ZNF701: variants seen among roughly 807,000 people sequenced by gnomAD.
ZNF701 encodes the protein zinc finger protein 701.
ZNF701 carries 6 observed loss-of-function variants against 7.1 expected under a neutral mutation model. That is an observed-to-expected ratio of 0.84 (90% CI 0.46 to 1.66). The LOEUF is 1.66. Among genes scored for constraint, ZNF701 ranks in the 40% most tolerant of loss-of-function variants. The pLI is 0.01. For synonymous variants in ZNF701, 166 were observed against 188.2 expected (o/e 0.88, Z 0.97); for missense variants, 541 against 559.2 (o/e 0.97, Z 0.33).
chr19:52,592,848 A>G, the ZNF701 span, among the ~76,000 whole-genome samples: 1 of 53,394 alleles, frequency 1.9e-5, no homozygotes, highest in Non-Finnish European at 4.1e-5. Context: ...GCAGGGTCAC[A>G]GGACAATAGT....
At chr19:52,593,966 C>G in the ZNF701 span, 1 of 129,226 alleles carries the variant, frequency 7.7e-6, no homozygotes, top group Non-Finnish European at 1.6e-5. Context: ...CCAAGGCAGG[C>G]GGCTGGGAGG....
At chr19:52,578,385 A>G (rs149748236) in intron 3 of ZNF701, among the ~76,000 whole-genome samples, 3,821 of 151,778 alleles carry the variant, frequency 0.025, 153 homozygotes, top group African/African-American at 0.081. Context: ...GCTTCACCTT[A>G]TCAATCACTT....
intron 1 of ZNF701, among the ~76,000 whole-genome samples, chr19:52,571,836 T>G (rs1197711141): frequency 6.6e-6 from 1 of 152,078 alleles, no homozygotes; most frequent in South Asian, 2.1e-4. Flanking sequence ...TTTGGTTTTT[T>G]TTTTGAGACG....
rs2059989025 is a variant in ZNF701, at chr19:52,583,266, A to G, written c.1207A>G (p.Ile403Val). The G allele has an allele frequency of 6.2e-7, 1 of 1,609,994 alleles. No homozygotes were observed. Among genetic ancestry groups the G allele is most frequent in the Non-Finnish European group, 8.5e-7 (1 of 1,176,924 alleles). The change falls in exon 4 of 4, where the codon ATT becomes GTT. Residue 403 changes from isoleucine to valine, a missense_variant. By Grantham distance (29) the Ile-to-Val change is conservative (BLOSUM62 3). Coordinates refer to ENST00000391785, the MANE Select transcript of ZNF701 (RefSeq NM_018260.3). Reference protein sequence around the residue: ...QNSSLVMHKVIHTGEKRYKCN... With the variant: ...QNSSLVMHKVVHTGEKRYKCN... Reference sequence around the variant, plus strand: ...TTCATCTCTTGTAATGCATAAGGTCATTCATACTGGAGAGAAACGTTACAA... The same window carrying G: ...TTCATCTCTTGTAATGCATAAGGTCGTTCATACTGGAGAGAAACGTTACAA...
At chr19:52,572,890 C>G (rs932541851) in intron 1 of ZNF701, among the ~76,000 whole-genome samples, 4 of 152,166 alleles carry the variant, frequency 2.6e-5, no homozygotes, top group Non-Finnish European at 5.9e-5. Context: ...CGTCTCAGGT[C>G]ATTTTCACTG....
At chr19:52,581,295 C>A (rs952593434) in intron 3 of ZNF701, among the ~76,000 whole-genome samples, 1 of 152,088 alleles carries the variant, frequency 6.6e-6, no homozygotes, top group Non-Finnish European at 1.5e-5. Context: ...TCTCAGCTCA[C>A]CACAATCTTG....
chr19:52,582,810 G>T lies in ZNF701; in HGVS notation c.751G>T (p.Asp251Tyr), dbSNP rs149503844. Residue 251 changes from aspartate to tyrosine, a missense_variant, in exon 4 of 4, where the codon GAC becomes TAC. By Grantham distance (160) the Asp-to-Tyr change is radical. Transcript: ENST00000391785. Reference sequence around the variant, plus strand: ...GTATAAATGTGATGTATGCGGCAAGGACTTTCATCAGAAGCGATACCTTGC... The same window carrying T: ...GTATAAATGTGATGTATGCGGCAAGTACTTTCATCAGAAGCGATACCTTGC... ...KQYKCDVCGK[D>Y]FHQKRYLACH... 408 of 1,614,000 alleles carry T rather than the reference G, an allele frequency of 2.5e-4. 2 individuals are homozygous for T. Among genetic ancestry groups the T allele is most frequent in the Non-Finnish European group, 4.5e-5 (53 of 1,180,028 alleles).
intron 1 of ZNF701, 56 bp from the exon 2 acceptor site, chr19:52,574,021 T>TA: frequency 1.9e-6 from 3 of 1,558,924 alleles, no homozygotes; most frequent in South Asian, 2.2e-5. Context: ...GTCATTGTGT[T>TA]ACAGGCAGGA....
chr19:52,591,804 C>T (rs2060038057), downstream of ZNF701, among the ~76,000 whole-genome samples: 1 of 152,172 alleles, frequency 6.6e-6, no homozygotes, highest in Non-Finnish European at 1.5e-5. Context: ...GATCCACCTG[C>T]CTTGGCCTCC....
Position 52,583,257 on chromosome 19 carries a change from C to A in ZNF701, c.1198C>A (p.His400Asn), listed in dbSNP as rs773945287. ...TGTTCAAAATTCATCTCTTGTAATG[C>A]ATAAGGTCATTCATACTGGAGAGAA... ...TFVQNSSLVM[H>N]KVIHTGEKRY... is the part of the protein sequence containing the mutation. The change falls in exon 4 of 4, where the codon CAT becomes AAT. Residue 400 changes from histidine to asparagine, a missense_variant. By Grantham distance (68) the His-to-Asn change is moderately conservative. Transcript: ENST00000391785. The A allele has an allele frequency of 6.2e-7, 1 of 1,610,014 alleles. No homozygotes were observed. Among genetic ancestry groups the A allele is most frequent in the East Asian group, 2.2e-5 (1 of 44,846 alleles).
chr19:52,578,796 C>G (rs898472851), intron 3 of ZNF701, among the ~76,000 whole-genome samples: 3 of 152,182 alleles, frequency 2.0e-5, no homozygotes, highest in Non-Finnish European at 2.9e-5. Context: ...CTTGCTCTGT[C>G]GCCCAGGCTG....
chr19:52,593,236 C>A, the ZNF701 span, among the ~76,000 whole-genome samples: 1 of 118,782 alleles, frequency 8.4e-6, no homozygotes, highest in African/African-American at 3.2e-5. Context: ...ACCTTTCCCC[C>A]CTTTCTATTC....
downstream of ZNF701, chr19:52,588,577 G>T: frequency 2.5e-6 from 1 of 401,330 alleles, no homozygotes; most frequent in Non-Finnish European, 4.8e-6. Flanking sequence ...CCACCAAGAA[G>T]GGCAAAGAAA....
At chr19:52,596,711 T>A in the ZNF701 span, 8 of 494,514 alleles carry the variant, frequency 1.6e-5, no homozygotes, top group African/African-American at 5.9e-5. Context: ...ATTTCACGAG[T>A]ATGGAAAGAC....
intron 1 of ZNF701, chr19:52,570,927 G>C (rs911176437): frequency 2.0e-5 from 3 of 152,382 alleles, no homozygotes; most frequent in African/African-American, 7.2e-5. Flanking sequence ...TGAAAAATGA[G>C]CCTCTCTGGG....
intron 3 of ZNF701, among the ~76,000 whole-genome samples, chr19:52,579,824 A>C (rs1412430387): frequency 5.0e-5 from 7 of 140,064 alleles, no homozygotes; most frequent in Non-Finnish European, 1.0e-4. Context: ...CAGTGAGCTG[A>C]GATCGCACCG....
rs539137520 is a variant in ZNF701, at chr19:52,581,650, C to A, written c.143-552C>A. 2.0e-5 allele frequency among the ~76,000 whole-genome samples: 3 copies of A among 151,926 alleles called. No homozygotes were observed. The East Asian group carries it at 5.8e-4, about 30-fold the overall frequency. On this transcript the variant is annotated intron_variant, in intron 3 of 3. Transcript: ENST00000391785. ...GCATCAGCCGCTTGAGTAGCTGGGA[C>A]TTTATAAAGGCGTGGGCCACCACAC...
intron 1 of ZNF701, among the ~76,000 whole-genome samples, chr19:52,571,721 C>T (rs990832416): frequency 6.7e-6 from 1 of 148,898 alleles, no homozygotes; most frequent in Admixed American, 6.8e-5. Flanking sequence ...GACCCTCTTT[C>T]CCTGCTTTTT....
chr19:52,583,069 G>A lies in ZNF701; in HGVS notation c.1010G>A (p.Arg337His), dbSNP rs186877176. Residue 337 changes from arginine to histidine, a missense_variant, in exon 4 of 4, where the codon CGC (arginine) becomes CAC (histidine). By Grantham distance (29) the Arg-to-His change is conservative. Coordinates refer to ENST00000391785, the MANE Select transcript of ZNF701 (RefSeq NM_018260.3). ...GAAGAATGTGACAAAGTTTTCAGTC[G>A]CAAATCACACCTTGAAAGACATAGG... ...KCEECDKVFSRKSHLERHRRI... is the reference protein window; with the variant it reads ...KCEECDKVFSHKSHLERHRRI... 241 of 1,613,342 alleles carry A rather than the reference G, an allele frequency of 1.5e-4. No homozygotes were observed. In the Middle Eastern group the frequency reaches 4.3e-3, roughly 29 times the overall value.
Sources: allele counts gnomAD v4.1 joint callset (sites outside exome capture counted in the v4.1 genomes callset), GRCh38; gene constraint gnomAD v4.1.1; transcripts MANE v1.5; gene names NCBI Gene and HGNC (gene_info 2026-07-23, HGNC 2026-07-21).